The following CCDC158 variants were observed in gnomAD, a reference collection of about 807,000 sequenced individuals.
CCDC158 encodes coiled-coil domain-containing protein 158.
Under a neutral mutation model 138.6 loss-of-function variants are expected in CCDC158, and 116 were observed. That is an observed-to-expected ratio of 0.84 (90% CI 0.72 to 0.98). The LOEUF (loss-of-function observed/expected upper bound fraction) is 0.98, where lower values mean the gene tolerates loss of function less well. Among genes scored for constraint, CCDC158 ranks in the 50% least tolerant of loss-of-function variants. The pLI is 0.00. For missense variants in CCDC158, 1,265 were observed against 1,306.1 expected (o/e 0.97, Z 0.48); for synonymous variants, 436 against 442.4 (o/e 0.99, Z 0.18).
intron 24 of CCDC158, among the ~76,000 whole-genome samples, chr4:76,322,008 G>T (rs1228613824): frequency 6.6e-6 from 1 of 151,676 alleles, no homozygotes; most frequent in Non-Finnish European, 1.5e-5. Flanking sequence ...CTTGGGGGAA[G>T]GGTGGGAGGT....
chr4:76,398,666 C>CAA (rs11379850), intron 3 of CCDC158, among the ~76,000 whole-genome samples: 36,634 of 117,936 alleles, frequency 0.31, 6,971 homozygotes, highest in Non-Finnish European at 0.42. Context: ...GACTCTGTCT[C>CAA]AAAAAAAAAA....
At chr4:76,321,083 C>A (rs1254116093) in intron 24 of CCDC158, among the ~76,000 whole-genome samples, 1 of 152,018 alleles carries the variant, frequency 6.6e-6, no homozygotes, top group Non-Finnish European at 1.5e-5. Flanking sequence ...CAAATAATCC[C>A]ATTAAAAAGT....
At chr4:76,331,610 TG>T (rs1436401478) in intron 20 of CCDC158, among the ~76,000 whole-genome samples, 1 of 152,006 alleles carries the variant, frequency 6.6e-6, no homozygotes, top group Admixed American at 6.6e-5. Flanking sequence ...TTCAAAAGAG[TG>T]AGAATGGGGC....
intron 4 of CCDC158, among the ~76,000 whole-genome samples, chr4:76,393,126 AAAC>A (rs1332299866): frequency 1.3e-5 from 2 of 152,118 alleles, no homozygotes; most frequent in African/African-American, 2.4e-5. Flanking sequence ...GAAATAGAAA[AAAC>A]AATCTTAAAA....
chr4:76,359,445 C>T (rs1723915776), intron 13 of CCDC158, among the ~76,000 whole-genome samples: 1 of 152,152 alleles, frequency 6.6e-6, no homozygotes, highest in Non-Finnish European at 1.5e-5. Flanking sequence ...TTTGGAACTT[C>T]CTAGAAACTT....
At chr4:76,332,573 A>G in intron 19 of CCDC158, 82 bp from the exon 20 acceptor site, 2 of 1,096,672 alleles carry the variant, frequency 1.8e-6, no homozygotes, top group Non-Finnish European at 2.6e-6. Context: ...AATTGCTTAC[A>G]TATATTCAAT....
chr4:76,338,308 G>C (rs939368953), intron 18 of CCDC158, among the ~76,000 whole-genome samples: 3 of 152,084 alleles, frequency 2.0e-5, no homozygotes, highest in Non-Finnish European at 4.4e-5. Flanking sequence ...TCAGGAGTTC[G>C]AGACCAGCCT....
chr4:76,332,195 T>G (rs1472576370), intron 20 of CCDC158, among the ~76,000 whole-genome samples: 2 of 152,222 alleles, frequency 1.3e-5, no homozygotes, highest in African/African-American at 4.8e-5. Flanking sequence ...AATAATAGCT[T>G]CATATGGATA....
intron 24 of CCDC158, among the ~76,000 whole-genome samples, chr4:76,320,665 A>G (rs1719911021): frequency 6.6e-6 from 1 of 152,220 alleles, no homozygotes; most frequent in Non-Finnish European, 1.5e-5. Flanking sequence ...ATCTTCGACA[A>G]TGCAAACAAA....
chr4:76,344,295 A>C (rs1722335800), intron 18 of CCDC158, among the ~76,000 whole-genome samples: 1 of 152,196 alleles, frequency 6.6e-6, no homozygotes, highest in South Asian at 2.1e-4. Flanking sequence ...TACAACTAAC[A>C]AGGGATGTGA....
chr4:76,317,211 C>T (rs937112827), intron 24 of CCDC158, among the ~76,000 whole-genome samples: 2 of 152,052 alleles, frequency 1.3e-5, no homozygotes, highest in Non-Finnish European at 2.9e-5. Context: ...AATCTACCAA[C>T]CAAGTATCTG....
chr4:76,399,637 C>T (rs1408926811), intron 3 of CCDC158, among the ~76,000 whole-genome samples: 2 of 152,080 alleles, frequency 1.3e-5, no homozygotes, highest in Non-Finnish European at 2.9e-5. Flanking sequence ...GTAGGGAATA[C>T]AGATTTTTCT....
At chr4:76,345,080 T>C in intron 18 of CCDC158, 1 of 1,329,276 alleles carries the variant, frequency 7.5e-7, no homozygotes, top group South Asian at 1.2e-5. Context: ...AATGACCAGA[T>C]CTCATAAAAA....
At chr4:76,339,644 A>G (rs1721867671) in intron 18 of CCDC158, among the ~76,000 whole-genome samples, 1 of 152,238 alleles carries the variant, frequency 6.6e-6, no homozygotes, top group Non-Finnish European at 1.5e-5. Context: ...CATATCAGGG[A>G]AACTGGTCAT....
intron 16 of CCDC158, 58 bp from the exon 17 acceptor site, chr4:76,351,870 A>T: frequency 1.9e-6 from 2 of 1,071,202 alleles, no homozygotes; most frequent in Non-Finnish European, 2.9e-6. Context: ...CTTATATTTT[A>T]TTAACCTATG....
chr4:76,363,267 C>A (rs1050380277), intron 12 of CCDC158, among the ~76,000 whole-genome samples: 1 of 152,158 alleles, frequency 6.6e-6, no homozygotes, highest in Non-Finnish European at 1.5e-5. Context: ...GATGTTGTCA[C>A]GGTGTCTTGC....
At chr4:76,404,544 C>T (rs965918959) in intron 2 of CCDC158, among the ~76,000 whole-genome samples, 2 of 151,738 alleles carry the variant, frequency 1.3e-5, no homozygotes, top group Non-Finnish European at 2.9e-5. Context: ...AACAAACAAA[C>T]AGGAAGAGAT....
chr4:76,337,593 G>A (rs1041272301), intron 18 of CCDC158, among the ~76,000 whole-genome samples: 2 of 152,000 alleles, frequency 1.3e-5, no homozygotes, highest in Non-Finnish European at 2.9e-5. Context: ...TTAGCTGGAT[G>A]TGGTAGTGCA....
At chr4:76,379,947 T>TC (rs1053413518) in intron 8 of CCDC158, among the ~76,000 whole-genome samples, 1 of 151,966 alleles carries the variant, frequency 6.6e-6, no homozygotes, top group Non-Finnish European at 1.5e-5. Flanking sequence ...GTATGGCACT[T>TC]CCCCCCTTTC....
Sources: gnomAD v4.1 joint callset for allele counts (sites outside exome capture counted in the v4.1 genomes callset) on GRCh38, gnomAD v4.1.1 for gene constraint, MANE v1.5 for transcripts, NCBI Gene and HGNC (gene_info 2026-07-23, HGNC 2026-07-21) for gene names.